GRIA4: variants seen among roughly 807,000 people sequenced by gnomAD.
GRIA4 encodes glutamate ionotropic receptor AMPA type subunit 4.
GRIA4 carries 34 observed loss-of-function variants against 104.0 expected under a neutral mutation model. The observed-to-expected ratio is 0.33, with a 90% CI of 0.25 to 0.44. The LOEUF is 0.44. Among genes scored for constraint, GRIA4 ranks in the 20% least tolerant of loss-of-function variants. The pLI is 1.00. For missense variants in GRIA4, 750 were observed against 1,096.5 expected (o/e 0.68, Z 4.46); for synonymous variants, 386 against 381.9 (o/e 1.01, Z -0.13).
chr11:105,723,973 C>T (rs1938011416), intron 3 of GRIA4, among the ~76,000 whole-genome samples: 1 of 152,056 alleles, frequency 6.6e-6, no homozygotes, highest in Non-Finnish European at 1.5e-5. Context: ...TATCATCTGA[C>T]ACCAGTCAAA....
At chr11:105,700,643 G>T (rs143940747) in intron 3 of GRIA4, among the ~76,000 whole-genome samples, 81 of 152,222 alleles carry the variant, frequency 5.3e-4, no homozygotes, top group African/African-American at 1.9e-3. Context: ...CAGAAATTGG[G>T]ATATTATCTT....
At chr11:105,732,815 G>C (rs199985336) in intron 3 of GRIA4, among the ~76,000 whole-genome samples, 1 of 152,146 alleles carries the variant, frequency 6.6e-6, no homozygotes, top group Non-Finnish European at 1.5e-5. Flanking sequence ...GCACTTTCAG[G>C]CTCCAAGACT....
chr11:105,970,375 C>T (rs971731814), intron 14 of GRIA4, among the ~76,000 whole-genome samples: 1 of 151,788 alleles, frequency 6.6e-6, no homozygotes, highest in East Asian at 1.9e-4. Flanking sequence ...TAACTAGAAA[C>T]ATCATTTTGT....
intron 3 of GRIA4, among the ~76,000 whole-genome samples, chr11:105,680,833 G>C (rs1324622451): frequency 6.6e-6 from 1 of 152,006 alleles, no homozygotes. Context: ...TCCATCTCAG[G>C]GTAGATGACA....
intron 3 of GRIA4, among the ~76,000 whole-genome samples, chr11:105,677,856 A>G (rs1952586883): frequency 6.6e-6 from 1 of 151,992 alleles, no homozygotes; most frequent in African/African-American, 2.4e-5. Context: ...AACAAAGTTG[A>G]TATTTTCAAA....
intron 3 of GRIA4, among the ~76,000 whole-genome samples, chr11:105,723,109 G>A (rs549201684): frequency 2.6e-5 from 4 of 152,172 alleles, no homozygotes; most frequent in South Asian, 4.1e-4. Context: ...GGCTAAAAAG[G>A]AAAGGGGGAA....
At chr11:105,780,587 A>G (rs1941682758) in intron 4 of GRIA4, among the ~76,000 whole-genome samples, 1 of 152,176 alleles carries the variant, frequency 6.6e-6, no homozygotes, top group Non-Finnish European at 1.5e-5. Context: ...ATATTCCAAG[A>G]TGAATAAAAA....
At chr11:105,841,318 T>G (rs570318930) in intron 4 of GRIA4, among the ~76,000 whole-genome samples, 1 of 152,364 alleles carries the variant, frequency 6.6e-6, no homozygotes, top group Admixed American at 6.5e-5. Flanking sequence ...TTCTTAAATG[T>G]TTAGTTTTGA....
intron 3 of GRIA4, among the ~76,000 whole-genome samples, chr11:105,735,830 T>C (rs918392314): frequency 5.3e-5 from 8 of 152,184 alleles, no homozygotes; most frequent in Non-Finnish European, 1.2e-4. Context: ...CACACTTACA[T>C]ACTTAGACAT....
intron 3 of GRIA4, among the ~76,000 whole-genome samples, chr11:105,721,626 C>T (rs1340807802): frequency 1.3e-5 from 2 of 152,174 alleles, no homozygotes; most frequent in African/African-American, 4.8e-5. Flanking sequence ...CCTGCCCTAG[C>T]AGGGTTTGCA....
intron 3 of GRIA4, among the ~76,000 whole-genome samples, chr11:105,632,541 C>T (rs1396651221): frequency 6.6e-6 from 1 of 152,190 alleles, no homozygotes; most frequent in East Asian, 1.9e-4. Context: ...ATTAATCATC[C>T]TCTTTGAGTT....
chr11:105,859,205 A>C (rs1945128227), intron 4 of GRIA4, among the ~76,000 whole-genome samples: 1 of 152,330 alleles, frequency 6.6e-6, no homozygotes, highest in African/African-American at 2.4e-5. Context: ...AATATCAATG[A>C]ATAATAAGAG....
intron 4 of GRIA4, among the ~76,000 whole-genome samples, chr11:105,796,767 A>G (rs1464244508): frequency 2.0e-5 from 3 of 152,188 alleles, no homozygotes; most frequent in African/African-American, 7.2e-5. Context: ...AAAGATTAAT[A>G]CTTTCAGAGC....
intron 5 of GRIA4, among the ~76,000 whole-genome samples, chr11:105,867,969 G>A (rs1463602007): frequency 6.6e-6 from 1 of 152,176 alleles, no homozygotes; most frequent in Non-Finnish European, 1.5e-5. Context: ...TCCAGGCACT[G>A]CAATGCGTGC....
At chr11:105,825,705 T>C (rs1232750212) in intron 4 of GRIA4, among the ~76,000 whole-genome samples, 1 of 151,934 alleles carries the variant, frequency 6.6e-6, no homozygotes, top group Non-Finnish European at 1.5e-5. Flanking sequence ...GAGGATCCAA[T>C]TGGTAAAAAT....
rs147655479 is a variant in GRIA4 at position 105,758,555 on chromosome 11, T to G, written c.487+5335T>G. 2.4e-3 allele frequency among the ~76,000 whole-genome samples: 373 copies of G among 152,302 alleles called. 1 individual carries two copies. Among genetic ancestry groups the G allele is most frequent in the Middle Eastern group, 0.014 (4 of 294 alleles). The stretch of plus-strand genomic sequence containing the variant: ...ATCTGAAGATATAGAGGAAAAGATC[T>G]TTTTAAAGCTCTGATGGAACACCTT... On this transcript the variant is annotated intron_variant, in intron 4 of 16. Coordinates refer to ENST00000282499, the MANE Select transcript of GRIA4 (RefSeq NM_000829.4).
Position 105,852,874 on chromosome 11 carries a change from G to A in GRIA4, c.488-9150G>A, listed in dbSNP as rs147869917. ...GCTACTCCTGCTCTAAAGAAAAGAC[G>A]AAAGTAACAGTTTAAAATATCACTT... On this transcript the variant is annotated intron_variant, in intron 4 of 16. Coordinates refer to ENST00000282499, the MANE Select transcript of GRIA4 (RefSeq NM_000829.4). Among the ~76,000 whole-genome samples the A allele has an allele frequency of 8.7e-3, 1,165 of 133,554 alleles. 93 individuals are homozygous for A. Among genetic ancestry groups the A allele is most frequent in the Non-Finnish European group, 0.014 (861 of 59,852 alleles). 87.6% of individuals were successfully genotyped at this position (133,554 alleles called of 152,430 possible). A position where few individuals can be genotyped will look rare whatever the true frequency, so the allele number is the denominator to read the frequency against.
intron 16 of GRIA4, among the ~76,000 whole-genome samples, chr11:105,977,148 C>T (rs1172968016): frequency 1.3e-5 from 2 of 151,884 alleles, no homozygotes; most frequent in Non-Finnish European, 2.9e-5. Context: ...TTAGTATTTC[C>T]TCTTGAAGAA....
intron 8 of GRIA4, 51 bp from the exon 9 acceptor site, chr11:105,905,146 T>C (rs1946996530): frequency 1.0e-6 from 1 of 974,168 alleles, no homozygotes; most frequent in Non-Finnish European, 1.7e-6. Context: ...AAGTTAAAAT[T>C]CCTATAAGTG....
Sources: allele counts gnomAD v4.1 joint callset (sites outside exome capture counted in the v4.1 genomes callset), GRCh38; gene constraint gnomAD v4.1.1; transcripts MANE v1.5; gene names NCBI Gene and HGNC (gene_info 2026-07-23, HGNC 2026-07-21).